The following RTF2 variants were observed in gnomAD, a reference collection of about 807,000 sequenced individuals.
RTF2 encodes replication termination factor 2.
A neutral mutation model predicts 38.0 loss-of-function variants in RTF2; 18 were observed. The observed-to-expected ratio is 0.47, with a 90% CI of 0.33 to 0.70. The LOEUF is 0.70. Ranked by LOEUF, RTF2 falls within the 30% of genes least tolerant of loss-of-function variation. The probability of loss-of-function intolerance (pLI) is 0.02; values close to 1 mark genes in which losing one functional copy is unlikely to be tolerated. For missense variants in RTF2, 311 were observed against 379.6 expected, an observed-to-expected ratio of 0.82 and a Z score of 1.50; for synonymous variants, 126 against 137.1, an observed-to-expected ratio of 0.92 and a Z score of 0.57.
intron 5 of RTF2, among the ~76,000 whole-genome samples, chr20:56,512,859 G>A (rs1292713912): frequency 3.9e-5 from 6 of 152,256 alleles, no homozygotes; most frequent in African/African-American, 1.2e-4. Flanking sequence ...ACTGCAACAC[G>A]TGTGATGTTT....
intron 4 of RTF2, among the ~76,000 whole-genome samples, chr20:56,480,044 G>T (rs1487186253): frequency 6.6e-6 from 1 of 152,134 alleles, no homozygotes; most frequent in Admixed American, 6.5e-5. Context: ...GTGAGAGTCG[G>T]CCTGTCCTGA....
intron 5 of RTF2, among the ~76,000 whole-genome samples, chr20:56,500,269 G>A (rs1983844076): frequency 6.6e-6 from 1 of 152,064 alleles, no homozygotes; most frequent in African/African-American, 2.4e-5. Flanking sequence ...GGTCAGCCTG[G>A]TCTCGAACTC....
At chr20:56,508,561 G>A (rs766656734) in intron 5 of RTF2, among the ~76,000 whole-genome samples, 9 of 152,160 alleles carry the variant, frequency 5.9e-5, no homozygotes, top group Non-Finnish European at 1.2e-4. Flanking sequence ...ATTTAATAGA[G>A]TTTTTCATAG....
chr20:56,486,029 G>A (rs1460652577), intron 5 of RTF2, among the ~76,000 whole-genome samples: 3 of 152,136 alleles, frequency 2.0e-5, no homozygotes, highest in Non-Finnish European at 4.4e-5. Context: ...TTGCACTCCC[G>A]GGGATGGAGA....
At chr20:56,479,696 TG>T (rs1224171034) in intron 4 of RTF2, among the ~76,000 whole-genome samples, 1 of 152,228 alleles carries the variant, frequency 6.6e-6, no homozygotes, top group Non-Finnish European at 1.5e-5. Context: ...CCTTGATCCA[TG>T]GGCTGCAGAA....
rs186671063 is a variant in RTF2, at chr20:56,490,054, A to G, written c.477+5865A>G. On this transcript the variant is annotated intron_variant, in intron 5 of 8. Coordinates refer to ENST00000357348, the MANE Select transcript of RTF2 (RefSeq NM_016407.5). Reference sequence around the variant, plus strand: ...ATCCAAGGGGAAGAAAGATTTGTTTAAACAAAGGTGTTACTTTTCTGTGGT... The same window carrying G: ...ATCCAAGGGGAAGAAAGATTTGTTTGAACAAAGGTGTTACTTTTCTGTGGT... Among the ~76,000 whole-genome samples the G allele has an allele frequency of 1.5e-3, 222 of 152,310 alleles. 1 individual carries two copies. Among genetic ancestry groups the G allele is most frequent in the African/African-American group, 5.1e-3 (211 of 41,558 alleles).
At chr20:56,481,592 T>C (rs1047268214) in intron 4 of RTF2, among the ~76,000 whole-genome samples, 1 of 152,114 alleles carries the variant, frequency 6.6e-6, no homozygotes, top group African/African-American at 2.4e-5. Context: ...TATATGTGTG[T>C]GTATGTGTGT....
At chr20:56,506,060 A>G (rs923058536) in intron 5 of RTF2, among the ~76,000 whole-genome samples, 2 of 152,152 alleles carry the variant, frequency 1.3e-5, no homozygotes, top group African/African-American at 4.8e-5. Flanking sequence ...TTTTCATGCA[A>G]GCTTTTGGGA....
chr20:56,512,280 T>C (rs1984724277), intron 5 of RTF2, among the ~76,000 whole-genome samples: 1 of 152,216 alleles, frequency 6.6e-6, no homozygotes, highest in African/African-American at 2.4e-5. Context: ...CTCCTCGTTC[T>C]CTTTTTTTCC....
At chr20:56,506,890 C>T (rs1273031641) in intron 5 of RTF2, among the ~76,000 whole-genome samples, 3 of 152,044 alleles carry the variant, frequency 2.0e-5, no homozygotes, top group Admixed American at 6.6e-5. Flanking sequence ...TTAGTAGAGA[C>T]GGGGTTTCAC....
At chr20:56,482,665 C>A (rs1301666682) in intron 4 of RTF2, among the ~76,000 whole-genome samples, 1 of 152,192 alleles carries the variant, frequency 6.6e-6, no homozygotes, top group African/African-American at 2.4e-5. Flanking sequence ...TTTAAAAATT[C>A]TAAACAACAT....
chr20:56,507,461 G>A (rs1469045381), intron 5 of RTF2, among the ~76,000 whole-genome samples: 3 of 152,132 alleles, frequency 2.0e-5, no homozygotes, highest in Non-Finnish European at 4.4e-5. Flanking sequence ...TTGAATTTTC[G>A]AGAGAAAGAG....
At chr20:56,492,037 A>G (rs1983181551) in intron 5 of RTF2, among the ~76,000 whole-genome samples, 1 of 152,164 alleles carries the variant, frequency 6.6e-6, no homozygotes, top group Admixed American at 6.5e-5. Flanking sequence ...GGTGAATACC[A>G]TGGGATTTAA....
chr20:56,478,259 C>T (rs1269240855), intron 4 of RTF2, among the ~76,000 whole-genome samples: 2 of 152,298 alleles, frequency 1.3e-5, no homozygotes, highest in East Asian at 3.9e-4. Flanking sequence ...GAGGCCGAGA[C>T]AGGAGGATTG....
At chr20:56,491,046 A>G (rs768699227) in intron 5 of RTF2, among the ~76,000 whole-genome samples, 41 of 151,958 alleles carry the variant, frequency 2.7e-4, no homozygotes, top group Non-Finnish European at 5.0e-4. Context: ...TGTGTTTTCT[A>G]CTCCAGATGA....
intron 5 of RTF2, among the ~76,000 whole-genome samples, chr20:56,509,150 C>A (rs979946197): frequency 2.6e-5 from 4 of 152,128 alleles, no homozygotes; most frequent in Non-Finnish European, 4.4e-5. Context: ...ATCAAAGAGA[C>A]AAATAATACA....
At position 56,513,338 on chromosome 20, in the gene RTF2, T is replaced by G. The variant is rs751313768; in HGVS notation, c.501T>G (p.Asp167Glu). The G allele has an allele frequency of 3.1e-6, 5 of 1,605,124 alleles. No homozygotes were observed. Among genetic ancestry groups the G allele is most frequent in the East Asian group, 2.2e-5 (1 of 44,650 alleles). ...CHTCGAAFQE[D>E]DVIMLNGTKE... Reference sequence around the variant, plus strand: ...AGTGTGGGGCTGCCTTCCAGGAGGATGATGTCATCATGCTCAATGGCACCA... The same window carrying G: ...AGTGTGGGGCTGCCTTCCAGGAGGAGGATGTCATCATGCTCAATGGCACCA... The change falls in exon 6 of 9, where the codon GAT (aspartate) becomes GAG (glutamate). Residue 167 changes from aspartate to glutamate, a missense_variant. Coordinates refer to ENST00000357348, the MANE Select transcript of RTF2 (RefSeq NM_016407.5).
chr20:56,491,727 G>A (rs759928706), intron 5 of RTF2: 30 of 1,552,110 alleles, frequency 1.9e-5, no homozygotes, highest in Middle Eastern at 1.7e-4. Context: ...GAAGGCGACT[G>A]AATGAGCCAC....
At chr20:56,499,194 CT>C (rs774875921) in intron 5 of RTF2, among the ~76,000 whole-genome samples, 1,719 of 133,044 alleles carry the variant, frequency 0.013, 11 homozygotes, top group African/African-American at 0.029. Flanking sequence ...TAATACTTAT[CT>C]TTTTTTTTTT....
Sources: allele counts gnomAD v4.1 joint callset (sites outside exome capture counted in the v4.1 genomes callset), GRCh38; gene constraint gnomAD v4.1.1; transcripts MANE v1.5; gene names NCBI Gene and HGNC (gene_info 2026-07-23, HGNC 2026-07-21).